PCDH20: variants seen among roughly 807,000 people sequenced by gnomAD.
PCDH20 encodes protocadherin 20.
PCDH20 carries 18 observed loss-of-function variants against 39.7 expected under a neutral mutation model. The observed-to-expected ratio is 0.45, with a 90% CI of 0.31 to 0.67. PCDH20 has a LOEUF of 0.67. Among genes scored for constraint, PCDH20 ranks in the 30% least tolerant of loss-of-function variants. PCDH20 has a pLI of 0.05. For missense variants in PCDH20, 1,161 were observed against 1,167.4 expected, an observed-to-expected ratio of 0.99 and a Z score of 0.08; for synonymous variants, 495 against 455.4, an observed-to-expected ratio of 1.09 and a Z score of -1.11.
At chr13:61,413,179 G>A (rs764776303) in exon 2 of PCDH20, 1 of 1,614,124 alleles carries the variant, frequency 6.2e-7, no homozygotes, top group South Asian at 1.1e-5. Flanking sequence ...GATGCCAATG[G>A]TGAGAGTGGC....
At chr13:61,413,392 T>A in exon 2 of PCDH20, 1 of 1,613,850 alleles carries the variant, frequency 6.2e-7, no homozygotes, top group Non-Finnish European at 8.5e-7. Context: ...TACATCTGGG[T>A]CCACAGCAGG....
chr13:61,413,253 G>T (rs749863692), exon 2 of PCDH20: 1 of 1,614,048 alleles, frequency 6.2e-7, no homozygotes, highest in Admixed American at 1.7e-5. Flanking sequence ...ACTGGTCCTG[G>T]GTTTCCCTGT....
exon 2 of PCDH20, chr13:61,413,903 T>A (rs1168673738): frequency 6.2e-7 from 1 of 1,613,154 alleles, no homozygotes; most frequent in South Asian, 1.1e-5. Context: ...AGAAGCTCGG[T>A]GGCCCGGCTG....
exon 2 of PCDH20, chr13:61,411,320 C>T (rs755064251): frequency 3.7e-6 from 6 of 1,614,016 alleles, no homozygotes; most frequent in Non-Finnish European, 4.2e-6. Context: ...ATCTGTACTT[C>T]CAAATTTTCA....
Position 61,411,707 on chromosome 13 carries a change from C to T in PCDH20, c.2392G>A (p.Asp798Asn), listed in dbSNP as rs1449185926. ...AAAGTAATGTTGCCAGTTTTAGGGT[C>T]AATCCTGAAGGACTCAGGCCTAGGA... Residue 798 changes from aspartate (D) to asparagine (N), a missense_variant, in exon 2 of 2, where the codon GAC becomes AAC. Physicochemically the swap from Asp to Asn is conservative, Grantham distance 23. Transcript: ENST00000409204. 1 of 1,614,136 alleles carries T rather than the reference C, an allele frequency of 6.2e-7. No homozygotes were observed. Among genetic ancestry groups the T allele is most frequent in the South Asian group, 1.1e-5 (1 of 91,080 alleles).
At chr13:61,412,169 A>T (rs764054697) in exon 2 of PCDH20, 1 of 1,614,196 alleles carries the variant, frequency 6.2e-7, no homozygotes, top group South Asian at 1.1e-5. Flanking sequence ...AAAAAGCTGA[A>T]GTCCTTGTTG....
chr13:61,412,628 T>G, exon 2 of PCDH20: 1 of 1,614,084 alleles, frequency 6.2e-7, no homozygotes, highest in Non-Finnish European at 8.5e-7. Context: ...GGTTTTGTGG[T>G]CTCTAGTAAA....
chr13:61,413,737 A>T, exon 2 of PCDH20: 2 of 1,613,892 alleles, frequency 1.2e-6, no homozygotes, highest in Non-Finnish European at 8.5e-7. Flanking sequence ...CCGGGAGGCC[A>T]GGCTGAAGGA....
chr13:61,411,034 C>A, exon 2 of PCDH20: 2 of 414,332 alleles, frequency 4.8e-6, no homozygotes, highest in East Asian at 3.8e-5. Context: ...AGTCCTATAG[C>A]TGTTAGTACT....
chr13:61,413,507 C>T (rs764508836), exon 2 of PCDH20: 1 of 1,613,782 alleles, frequency 6.2e-7, no homozygotes, highest in South Asian at 1.1e-5. Context: ...TCTCTGATGG[C>T]GATCTTCACC....
At chr13:61,413,917 C>A in exon 2 of PCDH20, 1 of 1,613,148 alleles carries the variant, frequency 6.2e-7, no homozygotes, top group Non-Finnish European at 8.5e-7. Flanking sequence ...CCGGCTGTAA[C>A]TCCCGAGGCA....
exon 2 of PCDH20, chr13:61,413,457 G>C (rs773844738): frequency 6.2e-7 from 1 of 1,614,052 alleles, no homozygotes; most frequent in Non-Finnish European, 8.5e-7. Flanking sequence ...CCCACACCGA[G>C]ATCTGGGAAA....
chr13:61,415,057 G>A, exon 1 of PCDH20: 1 of 1,563,594 alleles, frequency 6.4e-7, no homozygotes, highest in Non-Finnish European at 8.7e-7. Context: ...TGCTGCTCCT[G>A]GGACGATGTA....
At chr13:61,411,195 A>T in exon 2 of PCDH20, 1 of 1,496,770 alleles carries the variant, frequency 6.7e-7, no homozygotes, top group Non-Finnish European at 9.1e-7. Context: ...GGTGATGAAG[A>T]TCCAAAGTCA....
At position 61,413,937 on chromosome 13, in the gene PCDH20, T is replaced by A. The variant is rs764027422; in HGVS notation, c.162A>T (p.Gly54=). 1.1e-5 allele frequency: 17 copies of A among 1,609,038 alleles called. No homozygotes were observed. In the African/African-American group the frequency reaches 2.3e-4, roughly 22 times the overall value. The stretch of plus-strand genomic sequence containing the variant: ...TGTAACTCCCGAGGCAGCTGAAGGG[T>A]CCCACGAAGAGGAAAAACAGAAACA... The change falls in exon 2 of 2, where the codon GGA becomes GGT. Residue 54 remains glycine (G), a synonymous_variant. Transcript: ENST00000409204.
chr13:61,414,675 A>C (rs970435094), intron 1 of PCDH20, among the ~76,000 whole-genome samples: 14 of 152,290 alleles, frequency 9.2e-5, no homozygotes, highest in Non-Finnish European at 1.3e-4. Flanking sequence ...TAAACGCGGA[A>C]AATGGCTATG....
At chr13:61,412,045 A>G (rs1485028831) in exon 2 of PCDH20, 1 of 1,614,176 alleles carries the variant, frequency 6.2e-7, no homozygotes, top group South Asian at 1.1e-5. Flanking sequence ...ATCTATGACA[A>G]AAATATCACT....
exon 2 of PCDH20, chr13:61,411,609 G>A (rs770266605): frequency 5.0e-6 from 8 of 1,614,010 alleles, no homozygotes; most frequent in African/African-American, 4.0e-5. Context: ...GGAGAGGCTC[G>A]GGATAACCAT....
chr13:61,411,196 T>A (rs765016681), exon 2 of PCDH20: 3 of 1,507,500 alleles, frequency 2.0e-6, no homozygotes, highest in Admixed American at 3.7e-5. Flanking sequence ...GTGATGAAGA[T>A]CCAAAGTCAG....
Sources: allele counts gnomAD v4.1 joint callset (sites outside exome capture counted in the v4.1 genomes callset), GRCh38; gene constraint gnomAD v4.1.1; transcripts MANE v1.5; gene names NCBI Gene and HGNC (gene_info 2026-07-23, HGNC 2026-07-21).